The following EPHB2 variants were observed in gnomAD, a reference collection of about 807,000 sequenced individuals.
EPHB2 encodes ephrin type-B receptor 2.
Under a neutral mutation model 96.4 loss-of-function variants are expected in EPHB2, and 18 were observed. The observed-to-expected ratio is 0.19, with a 90% CI of 0.13 to 0.28. The LOEUF is 0.28. Ranked by LOEUF, EPHB2 falls within the 10% of genes least tolerant of loss-of-function variation. The probability of loss-of-function intolerance (pLI) is 1.00; values close to 1 mark genes in which losing one functional copy is unlikely to be tolerated. For missense variants in EPHB2, 989 were observed against 1,355.4 expected, an observed-to-expected ratio of 0.73 and a Z score of 4.25; for synonymous variants, 506 against 534.1, an observed-to-expected ratio of 0.95 and a Z score of 0.72.
In EPHB2 at chr1:22,910,386, T is replaced by G; in HGVS notation, c.2507T>G (p.Ile836Ser). The change falls in exon 14 of 16, where the codon ATC becomes AGC. Residue 836 changes from isoleucine to serine, a missense_variant. Physicochemically the swap from Ile to Ser is moderately radical, Grantham distance 142. Transcript: ENST00000374630. ...PYWDMTNQDV[I>S]NAIEQDYRLP... ...TGCACTCCTGCATTGTCCCAGGTAA[T>G]CAATGCCATTGAGCAGGACTATCGG... 1.9e-6 allele frequency: 3 copies of G among 1,614,168 alleles called. No homozygotes were observed. The highest frequency in any genetic ancestry group is 2.5e-6 in the Non-Finnish European group (3 of 1,180,008).
intron 3 of EPHB2, among the ~76,000 whole-genome samples, chr1:22,789,431 G>C (rs1644660459): frequency 1.3e-5 from 2 of 152,204 alleles, no homozygotes; most frequent in African/African-American, 4.8e-5. Flanking sequence ...GGTGAACAAA[G>C]GCTTACTAGT....
At chr1:22,796,114 AGTGGTG>A (rs1644763476) in intron 3 of EPHB2, among the ~76,000 whole-genome samples, 1 of 152,234 alleles carries the variant, frequency 6.6e-6, no homozygotes, top group Non-Finnish European at 1.5e-5. Context: ...CTGGAAATAC[AGTGGTG>A]AACAAAACAG....
chr1:22,833,383 G>A (rs964271557), intron 3 of EPHB2, among the ~76,000 whole-genome samples: 1 of 152,290 alleles, frequency 6.6e-6, no homozygotes, highest in Admixed American at 6.5e-5. Context: ...CTCCCAAAGT[G>A]CTGGGATTAC....
At chr1:22,807,075 G>T (rs1234499293) in intron 3 of EPHB2, among the ~76,000 whole-genome samples, 1 of 152,210 alleles carries the variant, frequency 6.6e-6, no homozygotes, top group African/African-American at 2.4e-5. Context: ...TGGGCCATGG[G>T]TCCCACGCTT....
chr1:22,863,375 C>T, intron 4 of EPHB2, 183 bp downstream of exon 4: 1 of 901,912 alleles, frequency 1.1e-6, no homozygotes, highest in Non-Finnish European at 1.7e-6. Flanking sequence ...TTGCAGACAC[C>T]ACAGTGCTGG....
At position 22,913,676 on chromosome 1, in the gene EPHB2, AGGCCACG is replaced by A; in HGVS notation, c.*116_*122del. ...ACTGCAGGGCCAGCCACTCGCCAGG[AGGCCACG>A]GGCCACGGGAAGAACCAAGCGGTGC... is the stretch of plus-strand genomic sequence containing the variant. On this transcript the variant is annotated 3_prime_UTR_variant, in exon 16 of 16. Transcript: ENST00000374630. This position sits in a 1 kb window ranked among gnomAD's most constrained non-coding sequence, Gnocchi z 4.1. 1 of 1,604,288 alleles carries A rather than the reference AGGCCACG, an allele frequency of 6.2e-7. No homozygotes were observed. The highest frequency in any genetic ancestry group is 8.5e-7 in the Non-Finnish European group (1 of 1,175,470).
intron 3 of EPHB2, among the ~76,000 whole-genome samples, chr1:22,818,646 A>T (rs1353955738): frequency 2.0e-5 from 3 of 151,916 alleles, no homozygotes; most frequent in African/African-American, 7.3e-5. Flanking sequence ...TGCAACTGGG[A>T]TGTGCTGAGT....
intron 1 of EPHB2, chr1:22,774,611 C>T (rs750855470): frequency 1.3e-4 from 129 of 985,128 alleles, no homozygotes; most frequent in South Asian, 1.9e-4. Context: ...TGGCTGGATA[C>T]GAGAGACACG....
chr1:22,883,931 C>T (rs754919802), intron 6 of EPHB2, among the ~76,000 whole-genome samples: 1 of 152,180 alleles, frequency 6.6e-6, no homozygotes. Context: ...CCCTTGTGCC[C>T]TGGCCCCCAA....
chr1:22,847,674 G>T (rs952160817), intron 3 of EPHB2, among the ~76,000 whole-genome samples: 50 of 152,126 alleles, frequency 3.3e-4, no homozygotes, highest in African/African-American at 1.2e-3. Context: ...ACTGGAATAG[G>T]ATCTCCCCTG....
At position 22,875,869 on chromosome 1, in the gene EPHB2, T is replaced by C. The variant is rs1638821215; in HGVS notation, c.1304-6490T>C. On this transcript the variant is annotated intron_variant, in intron 5 of 15. Transcript: ENST00000374630. The surrounding 1 kb of genome is among the most constrained non-coding windows in gnomAD (Gnocchi z 4.2). ...ATCTCGGAGGAGTTGACATTTGAGC[T>C]GAGACTTCAATGAAGAGGAGGATTT... is the stretch of plus-strand genomic sequence containing the variant. Among the ~76,000 whole-genome samples, 1 of 151,834 alleles carries C rather than the reference T, an allele frequency of 6.6e-6. No individual in the cohort carries two copies. The highest frequency in any genetic ancestry group is 6.6e-5 in the Admixed American group (1 of 15,250).
intron 3 of EPHB2, among the ~76,000 whole-genome samples, chr1:22,794,480 C>G (rs1040228979): frequency 6.6e-6 from 1 of 152,154 alleles, no homozygotes; most frequent in Non-Finnish European, 1.5e-5. Context: ...TGGGCCGTTC[C>G]TGCCCAGTCA....
chr1:22,869,656 C>T (rs1408757685), intron 5 of EPHB2, among the ~76,000 whole-genome samples: 2 of 152,096 alleles, frequency 1.3e-5, no homozygotes, highest in African/African-American at 4.8e-5. Context: ...CTTTCTGTTC[C>T]TCCTAAGTAT....
rs142769763 is a variant in EPHB2, at chr1:22,782,227, A to G, written c.126+742A>G. ...ATCTATAAAATGGTGATGATGTTTTAGACCTCACAAGACTGTTGCGAGGTT... is the reference window on the plus strand; with the variant it reads ...ATCTATAAAATGGTGATGATGTTTTGGACCTCACAAGACTGTTGCGAGGTT... On this transcript the variant is annotated intron_variant, in intron 2 of 15. Transcript: ENST00000374630. Among the ~76,000 whole-genome samples, 788 of 152,324 alleles carry G rather than the reference A, an allele frequency of 5.2e-3. 11 individuals carry two copies. Among genetic ancestry groups the G allele is most frequent in the African/African-American group, 0.018 (742 of 41,564 alleles).
In EPHB2 at chr1:22,893,017, G is replaced by A. The variant is rs2148566807; in HGVS notation, c.1562G>A (p.Gly521Asp). 6.2e-7 allele frequency: 1 copy of A among 1,614,210 alleles called. No individual in the cohort carries two copies. Among genetic ancestry groups the A allele is most frequent in the Non-Finnish European group, 8.5e-7 (1 of 1,180,026 alleles). Residue 521 changes from glycine to aspartate, a missense_variant, in exon 7 of 16, where the codon GGC (glycine) becomes GAC (aspartate). Gly to Asp is a moderately conservative substitution (Grantham distance 94, BLOSUM62 -1). Transcript: ENST00000374630. ...GTGGCAGGTTACGGGCGCTACAGCG[G>A]CAAGATGTACTTCCAGACCATGACA... Reference protein sequence around the residue: ...RTVAGYGRYSGKMYFQTMTEA... With the variant: ...RTVAGYGRYSDKMYFQTMTEA...
At chr1:22,727,414 G>C (rs372543487) in intron 1 of EPHB2, among the ~76,000 whole-genome samples, 19 of 152,214 alleles carry the variant, frequency 1.2e-4, no homozygotes, top group East Asian at 5.8e-4. Flanking sequence ...CTCCCAGGGG[G>C]CTCCTCCGCA....
At chr1:22,752,292 G>A (rs1226481822) in intron 1 of EPHB2, among the ~76,000 whole-genome samples, 2 of 152,214 alleles carry the variant, frequency 1.3e-5, no homozygotes, top group African/African-American at 2.4e-5. Flanking sequence ...GAGCCCAGGA[G>A]TTCAAGACCA....
At chr1:22,895,195 A>G (rs1029856005) in intron 7 of EPHB2, among the ~76,000 whole-genome samples, 3 of 152,306 alleles carry the variant, frequency 2.0e-5, no homozygotes, top group East Asian at 3.9e-4. Context: ...GTCAGCTGTT[A>G]TTATTGTTGG....
At chr1:22,814,201 T>C (rs1200774075) in intron 3 of EPHB2, among the ~76,000 whole-genome samples, 1 of 152,010 alleles carries the variant, frequency 6.6e-6, no homozygotes, top group Non-Finnish European at 1.5e-5. Flanking sequence ...GAAATGATAC[T>C]CACCACATGG....
Sources: gnomAD v4.1 joint callset for allele counts (sites outside exome capture counted in the v4.1 genomes callset) on GRCh38, gnomAD v4.1.1 for gene constraint, Gnocchi (gnomAD v3.1) non-coding constraint, MANE v1.5 for transcripts, NCBI Gene and HGNC (gene_info 2026-07-23, HGNC 2026-07-21) for gene names.